Variants in ITPR2 observed in about 807,000 individuals in gnomAD.
ITPR2 encodes the protein inositol 1,4,5-trisphosphate-gated calcium channel ITPR2.
A neutral mutation model predicts 317.1 loss-of-function variants in ITPR2; 207 were observed. The observed-to-expected ratio is 0.65, with a 90% confidence interval of 0.58 to 0.73. ITPR2 has a LOEUF of 0.73. Among genes scored for constraint, ITPR2 ranks in the 30% least tolerant of loss-of-function variants. ITPR2 has a pLI of 0.00. For synonymous variants in ITPR2, 1,156 were observed against 1,149.1 expected (o/e 1.01, Z -0.12); for missense variants, 2,613 against 3,284.0 (o/e 0.80, Z 4.99).
At chr12:26,571,743 TAAGA>T in intron 34 of ITPR2, among the ~76,000 whole-genome samples, 1 of 152,354 alleles carries the variant, frequency 6.6e-6, no homozygotes, top group African/African-American at 2.4e-5. Flanking sequence ...AAAATGGAGC[TAAGA>T]ATTATGTCCA....
At chr12:26,539,060 A>AT (rs1944185603) in intron 37 of ITPR2, among the ~76,000 whole-genome samples, 1 of 152,202 alleles carries the variant, frequency 6.6e-6, no homozygotes, top group South Asian at 2.1e-4. Flanking sequence ...AATAACAACA[A>AT]TAATAGTGTG....
At chr12:26,688,546 A>C (rs1948174023) in intron 10 of ITPR2, among the ~76,000 whole-genome samples, 1 of 152,110 alleles carries the variant, frequency 6.6e-6, no homozygotes, top group Non-Finnish European at 1.5e-5. Context: ...AAGCAGAGGA[A>C]GAAGAAGGAG....
In ITPR2 at chr12:26,732,214, C is replaced by A. The variant is rs763403612; in HGVS notation, c.164-6449G>T. Among the ~76,000 whole-genome samples, 3 of 152,066 alleles carry A rather than the reference C, an allele frequency of 2.0e-5. No individual in the cohort carries two copies. The East Asian group carries it at 5.8e-4, about 29-fold the overall frequency. ...TAGCTGAAAGTCAATTATTATACTA[C>A]GAAAGAGGAAGAGAAATAGCATTTT... On this transcript the variant is annotated intron_variant, in intron 2 of 56. Transcript: ENST00000381340.
At chr12:26,812,295 C>G (rs1316716399) in intron 1 of ITPR2, among the ~76,000 whole-genome samples, 5 of 151,918 alleles carry the variant, frequency 3.3e-5, no homozygotes, top group African/African-American at 1.2e-4. Flanking sequence ...AAACCTAATA[C>G]GGCCGGATGC....
intron 13 of ITPR2, among the ~76,000 whole-genome samples, chr12:26,673,313 A>ATG: frequency 1.3e-5 from 2 of 152,140 alleles, no homozygotes; most frequent in Admixed American, 6.6e-5. Flanking sequence ...CTGGCAAACC[A>ATG]AATCCAGCAG....
intron 55 of ITPR2, among the ~76,000 whole-genome samples, chr12:26,351,192 A>G: frequency 6.6e-6 from 1 of 152,212 alleles, no homozygotes; most frequent in East Asian, 1.9e-4. Flanking sequence ...CTGACCCAAC[A>G]TGAGGGTGAG....
At chr12:26,435,833 CA>C (rs1307531417) in intron 48 of ITPR2, among the ~76,000 whole-genome samples, 2 of 151,952 alleles carry the variant, frequency 1.3e-5, no homozygotes, top group East Asian at 3.8e-4. Context: ...AAACCTTAGA[CA>C]AGACAGAAAA....
chr12:26,503,420 T>C (rs898351755), intron 37 of ITPR2, among the ~76,000 whole-genome samples: 2 of 152,174 alleles, frequency 1.3e-5, no homozygotes, highest in African/African-American at 2.4e-5. Flanking sequence ...ATGGAATCCA[T>C]GGAATAGAGG....
intron 52 of ITPR2, among the ~76,000 whole-genome samples, chr12:26,405,146 A>AG (rs1164249823): frequency 6.6e-6 from 1 of 151,674 alleles, no homozygotes; most frequent in Non-Finnish European, 1.5e-5. Context: ...AAAAAAAAAA[A>AG]AGAAGAAGAA....
intron 1 of ITPR2, among the ~76,000 whole-genome samples, chr12:26,802,644 TATAG>T (rs1398456925): frequency 6.8e-5 from 9 of 133,326 alleles, no homozygotes; most frequent in Admixed American, 3.1e-4. Flanking sequence ...TACAGATAGA[TATAG>T]ATAGATATCT....
At chr12:26,374,260 C>G (rs533046620) in intron 55 of ITPR2, among the ~76,000 whole-genome samples, 71 of 152,344 alleles carry the variant, frequency 4.7e-4, no homozygotes, top group African/African-American at 1.6e-3. Context: ...CTGACCTTCG[C>G]TTGATGGTAA....
intron 9 of ITPR2, among the ~76,000 whole-genome samples, chr12:26,697,597 T>G (rs1948374303): frequency 6.6e-6 from 1 of 152,006 alleles, no homozygotes; most frequent in Admixed American, 6.6e-5. Context: ...TCACCTAAGA[T>G]CAGGAGTTCG....
intron 49 of ITPR2, among the ~76,000 whole-genome samples, chr12:26,425,733 A>T (rs1201822783): frequency 1.3e-5 from 2 of 152,028 alleles, no homozygotes; most frequent in East Asian, 3.9e-4. Context: ...GTACAAACAG[A>T]TGTTCTATGC....
chr12:26,656,721 T>C (rs1382502697), intron 18 of ITPR2, among the ~76,000 whole-genome samples, 173 bp from the exon 19 acceptor site: 1 of 152,232 alleles, frequency 6.6e-6, no homozygotes, highest in Non-Finnish European at 1.5e-5. Context: ...ACAAGACATA[T>C]ATGAAACTGT....
rs774200170 is a variant in ITPR2 at position 26,428,077 on chromosome 12, G to A, written c.6781C>T (p.Pro2261Ser). Residue 2261 changes from proline to serine, a missense_variant, in exon 49 of 57, where the codon CCA (proline) becomes TCA (serine). Physicochemically the swap from Pro to Ser is moderately conservative, Grantham distance 74 (BLOSUM62 -1). Coordinates refer to ENST00000381340, the MANE Select transcript of ITPR2 (RefSeq NM_002223.4). ...ATCCAAAGAAGAACCGAGAACAATG[G>A]AGAAAGTGTACCTGTAAAATGTGGA... ...GDDGDEGTLS[P>S]LFSVLLWIAV... The A allele has an allele frequency of 3.8e-6, 6 of 1,597,982 alleles. No homozygotes were observed. The highest frequency in any genetic ancestry group is 5.1e-6 in the Non-Finnish European group (6 of 1,174,516).
At chr12:26,726,319 G>T (rs1453610054) in intron 2 of ITPR2, among the ~76,000 whole-genome samples, 2 of 152,116 alleles carry the variant, frequency 1.3e-5, no homozygotes, top group African/African-American at 4.8e-5. Context: ...CCTAAACCAA[G>T]ATTACAGTCC....
chr12:26,459,590 T>G (rs1031621104), intron 45 of ITPR2, among the ~76,000 whole-genome samples: 3 of 152,220 alleles, frequency 2.0e-5, no homozygotes, highest in Admixed American at 2.0e-4. Flanking sequence ...CCCACCCTCT[T>G]TTGTGAATCT....
At chr12:26,411,490 A>G in intron 51 of ITPR2, 78 bp from the exon 52 acceptor site, 1 of 982,100 alleles carries the variant, frequency 1.0e-6, no homozygotes, top group East Asian at 2.6e-5. Flanking sequence ...TTCTAAAGAT[A>G]TGTAAATTAA....
intron 2 of ITPR2, among the ~76,000 whole-genome samples, chr12:26,727,431 G>C (rs760222607): frequency 6.6e-6 from 1 of 152,146 alleles, no homozygotes; most frequent in African/African-American, 2.4e-5. Context: ...AAAAAGGAAA[G>C]AGAAAAAATT....
Sources: gnomAD v4.1 joint callset for allele counts (sites outside exome capture counted in the v4.1 genomes callset) on GRCh38, gnomAD v4.1.1 for gene constraint, MANE v1.5 for transcripts, NCBI Gene and HGNC (gene_info 2026-07-23, HGNC 2026-07-21) for gene names.